ZBTB4: variants seen among roughly 807,000 people sequenced by gnomAD.
ZBTB4 encodes the protein zinc finger and BTB domain containing 4.
A neutral mutation model predicts 59.8 loss-of-function variants in ZBTB4; 14 were observed. The ratio of observed to expected loss-of-function variants is 0.23; its 90% confidence interval spans 0.15 to 0.37. ZBTB4 has a LOEUF of 0.37. Among genes scored for constraint, ZBTB4 ranks in the 10% least tolerant of loss-of-function variants. The pLI, the probability that ZBTB4 is intolerant of heterozygous loss-of-function variation, is 1.00. For missense variants in ZBTB4, 1,198 were observed against 1,380.8 expected (o/e 0.87, Z 2.10); for synonymous variants, 587 against 575.2 (o/e 1.02, Z -0.29).
At position 7,462,713 on chromosome 17, in the gene ZBTB4, C is replaced by G. The variant is rs557112177; in HGVS notation, c.2269G>C (p.Ala757Pro). The G allele has an allele frequency of 6.2e-7, 1 of 1,604,330 alleles. No individual in the cohort carries two copies. The highest frequency in any genetic ancestry group is 1.1e-5 in the South Asian group (1 of 91,074). The change falls in exon 4 of 4, where the codon GCC becomes CCC. Residue 757 changes from alanine (A) to proline (P), a missense_variant. Around this residue, in one of 9 missense-constraint regions of ZBTB4, gnomAD observed 550 missense variants for 541.8 expected, o/e 1.02. Coordinates refer to ENST00000380599, the MANE Select transcript of ZBTB4 (RefSeq NM_001128833.2). This position sits in a 1 kb window ranked among gnomAD's most constrained non-coding sequence, Gnocchi z 7.5. ...AAGCGGGTGGAGGGCCTCCGTCCGG[C>G]CCGGGAGCTGTGGGAGCCCCCACCG... The part of the protein sequence containing the change: ...AHGGGSHSSR[A>P]GRRPSTRFTC...
chr17:7,462,914 G>C lies in ZBTB4; in HGVS notation c.2068C>G (p.Pro690Ala), dbSNP rs374825213. ...GGASVGGSGL[P>A]RGRRPPRWRQ... The stretch of plus-strand genomic sequence containing the variant: ...CAACGTGGTGGCCGGCGGCCTCGGG[G>C]CAGCCCACTGCCCCCCACACTGGCA... The change falls in exon 4 of 4, where the codon CCC (proline) becomes GCC (alanine). Residue 690 changes from proline to alanine, a missense_variant. Pro to Ala is a conservative substitution (Grantham distance 27). Around this residue, in one of 9 missense-constraint regions of ZBTB4, gnomAD observed 550 missense variants for 541.8 expected, o/e 1.02. Coordinates refer to ENST00000380599, the MANE Select transcript of ZBTB4 (RefSeq NM_001128833.2). This position sits in a 1 kb window ranked among gnomAD's most constrained non-coding sequence, Gnocchi z 7.5. 5 of 1,609,052 alleles carry C rather than the reference G, an allele frequency of 3.1e-6. No individual in the cohort carries two copies. The African/African-American group carries it at 6.7e-5, about 21-fold the overall frequency.
In ZBTB4 at chr17:7,459,542, C is replaced by T. The variant is rs1210195642; in HGVS notation, c.*2398G>A. On this transcript the variant is annotated 3_prime_UTR_variant, in exon 4 of 4. Transcript: ENST00000380599. Reference sequence around the variant, plus strand: ...CGGCACAGAACCAGTGGCCTTCTCACTCTGCCACCACCCGTCTTCCCAGGG... The same window carrying T: ...CGGCACAGAACCAGTGGCCTTCTCATTCTGCCACCACCCGTCTTCCCAGGG... The T allele has an allele frequency of 6.6e-6, 1 of 152,332 alleles. No homozygotes were observed. Among genetic ancestry groups the T allele is most frequent in the Non-Finnish European group, 1.5e-5 (1 of 68,036 alleles). 9.4% of individuals were successfully genotyped at this position (152,332 alleles called of 1,614,324 possible).
upstream of ZBTB4, among the ~76,000 whole-genome samples, chr17:7,481,165 A>C (rs867716942): frequency 7.4e-4 from 110 of 148,546 alleles, no homozygotes; most frequent in South Asian, 3.0e-3. Flanking sequence ...CTCCGTCCCA[A>C]AAAAAAAAAA....
At position 7,461,644 on chromosome 17, in the gene ZBTB4, T is replaced by G. The variant is rs1597759438; in HGVS notation, c.*296A>C. 3.3e-6 allele frequency: 1 copy of G among 303,790 alleles called. No homozygotes were observed. The highest frequency in any genetic ancestry group is 6.1e-6 in the Non-Finnish European group (1 of 164,170). The allele number at this position is 303,790 out of a possible 1,614,324, so 18.8% of individuals were successfully genotyped here. ...TGGGGGCTGTGAGTAGAGATTCAGG[T>G]TAAGTATATTGCTCAGTTGCCCCAA... On this transcript the variant is annotated 3_prime_UTR_variant, in exon 4 of 4. Coordinates refer to ENST00000380599, the MANE Select transcript of ZBTB4 (RefSeq NM_001128833.2).
At chr17:7,482,928 T>C (rs777237673), upstream of ZBTB4, 17 of 1,611,862 alleles carry the variant, frequency 1.1e-5, no homozygotes, top group South Asian at 6.6e-5. Flanking sequence ...GGGGCAGGGG[T>C]TGTGCTGGGC....
upstream of ZBTB4, chr17:7,482,574 T>A: frequency 6.2e-7 from 1 of 1,612,374 alleles, no homozygotes; most frequent in Non-Finnish European, 8.5e-7. Flanking sequence ...GGGCAGGCTT[T>A]CGTGGGAGGA....
chr17:7,470,869 A>G (rs1429052623), intron 1 of ZBTB4, among the ~76,000 whole-genome samples: 1 of 152,140 alleles, frequency 6.6e-6, no homozygotes, highest in Non-Finnish European at 1.5e-5. Context: ...TATGGCACCC[A>G]CTAGGGCACA....
chr17:7,461,935 AG>A lies in ZBTB4; in HGVS notation c.*4del. 6.5e-7 allele frequency: 1 copy of A among 1,527,782 alleles called. No individual in the cohort carries two copies. The highest frequency in any genetic ancestry group is 8.8e-7 in the Non-Finnish European group (1 of 1,136,212). 94.6% of individuals were successfully genotyped at this position (1,527,782 alleles called of 1,614,324 possible). A position where few individuals can be genotyped will look rare whatever the true frequency, so the allele number is the denominator to read the frequency against. ...TCTGGTGAAAGGGGGATTGAGCCCC[AG>A]GGTTCACCCCACATCGCCCTTCTGG... On this transcript the variant is annotated 3_prime_UTR_variant, in exon 4 of 4. Transcript: ENST00000380599.
Position 7,462,367 on chromosome 17 carries a change from A to T in ZBTB4, c.2615T>A (p.Val872Glu). ...AATCAAGGCCAGTGGAAATTCCTGC[A>T]CAGGTGGGTATACATAGCTGCCCCC... ...ASGGSYVYPP[V>E]QEFPLALIGG... Residue 872 changes from valine (V) to glutamate (E), a missense_variant, in exon 4 of 4, where the codon GTG becomes GAG. Coordinates refer to ENST00000380599, the MANE Select transcript of ZBTB4 (RefSeq NM_001128833.2). The surrounding 1 kb of genome is among the most constrained non-coding windows in gnomAD (Gnocchi z 7.5). 6.2e-7 allele frequency: 1 copy of T among 1,613,778 alleles called. No individual in the cohort carries two copies. Among genetic ancestry groups the T allele is most frequent in the Non-Finnish European group, 8.5e-7 (1 of 1,179,938 alleles).
At chr17:7,467,392 G>C in intron 1 of ZBTB4, 65 bp from the exon 2 acceptor site, 1 of 425,508 alleles carries the variant, frequency 2.4e-6, no homozygotes, top group Non-Finnish European at 3.1e-6. Flanking sequence ...TCCTCAAGGA[G>C]GGAAGTGAGA....
intron 1 of ZBTB4, among the ~76,000 whole-genome samples, chr17:7,473,110 ATTTTT>A (rs71157291): frequency 1.5e-5 from 1 of 64,892 alleles, no homozygotes; most frequent in Admixed American, 2.0e-4. Flanking sequence ...GCGCGCCACC[ATTTTT>A]TTTTTTTTTT....
chr17:7,483,397 C>G (rs2150871453), upstream of ZBTB4: 2 of 286,460 alleles, frequency 7.0e-6, no homozygotes, highest in African/African-American at 2.2e-5. Context: ...TGCCTCCCCA[C>G]CCCTCCCCTC....
At chr17:7,472,099 T>C (rs370977254) in intron 1 of ZBTB4, among the ~76,000 whole-genome samples, 4 of 152,126 alleles carry the variant, frequency 2.6e-5, no homozygotes, top group East Asian at 3.8e-4. Context: ...AGAAGCCACC[T>C]TCCCCTGAGG....
chr17:7,472,916 T>C (rs1428855030), intron 1 of ZBTB4, among the ~76,000 whole-genome samples: 1 of 151,712 alleles, frequency 6.6e-6, no homozygotes, highest in Non-Finnish European at 1.5e-5. Flanking sequence ...AGTGCTGGGA[T>C]GACATGCATG....
At position 7,460,229 on chromosome 17, in the gene ZBTB4, A is replaced by G. The variant is rs1203341982; in HGVS notation, c.*1711T>C. On this transcript the variant is annotated 3_prime_UTR_variant, in exon 4 of 4. Coordinates refer to ENST00000380599, the MANE Select transcript of ZBTB4 (RefSeq NM_001128833.2). ...CTGTGGCCAAGACCAAGAAAAGTGC[A>G]AAGAGACAGAGGAGGAATGAAGGAG... is the stretch of plus-strand genomic sequence containing the variant. 1.3e-5 allele frequency: 2 copies of G among 152,630 alleles called. No homozygotes were observed. The highest frequency in any genetic ancestry group is 2.9e-5 in the Non-Finnish European group (2 of 68,042). 9.5% of individuals were successfully genotyped at this position (152,630 alleles called of 1,614,324 possible).
At chr17:7,473,340 C>T (rs1251218659) in intron 1 of ZBTB4, among the ~76,000 whole-genome samples, 1 of 151,960 alleles carries the variant, frequency 6.6e-6, no homozygotes, top group African/African-American at 2.4e-5. Context: ...TGGTCTCCAT[C>T]TCCTGACCTT....
chr17:7,467,285 CG>C lies in ZBTB4; in HGVS notation c.-39del, dbSNP rs1478188920. On this transcript the variant is annotated 5_prime_UTR_variant, in exon 2 of 4. Coordinates refer to ENST00000380599, the MANE Select transcript of ZBTB4 (RefSeq NM_001128833.2). ...AGAGCACAGCCAACATGGAGTGGGG[CG>C]GGGGGTGGCTCAGCGAGTCCCTTCT... 26 of 984,372 alleles carry C rather than the reference CG, an allele frequency of 2.6e-5. No individual in the cohort carries two copies. The highest frequency in any genetic ancestry group is 6.1e-5 in the Admixed American group (1 of 16,364). 61.0% of individuals were successfully genotyped at this position (984,372 alleles called of 1,614,324 possible).
upstream of ZBTB4, chr17:7,482,436 G>A (rs760798928): frequency 3.7e-6 from 6 of 1,614,054 alleles, 1 homozygote; most frequent in South Asian, 5.5e-5. Flanking sequence ...TGCCTTGAGA[G>A]CCAGGGTCTC....
Position 7,463,645 on chromosome 17 carries a change from G to A in ZBTB4, c.1337C>T (p.Pro446Leu), listed in dbSNP as rs762883050. 22 of 1,612,070 alleles carry A rather than the reference G, an allele frequency of 1.4e-5. No individual in the cohort carries two copies. Among genetic ancestry groups the A allele is most frequent in the South Asian group, 4.4e-5 (4 of 91,014 alleles). ...GCTGGCTGGCATTGCCACAGGGGCC[G>A]GTGTGTTGAGGGTTGGAGAAAGGGG... ...EAPLSPTLNTPAPVAMPASPP... is the reference protein window; with the variant it reads ...EAPLSPTLNTLAPVAMPASPP... Residue 446 changes from proline (P) to leucine (L), a missense_variant, in exon 4 of 4, where the codon CCG becomes CTG. Around this residue, in one of 9 missense-constraint regions of ZBTB4, gnomAD observed 550 missense variants for 541.8 expected, o/e 1.02. Coordinates refer to ENST00000380599, the MANE Select transcript of ZBTB4 (RefSeq NM_001128833.2).
Sources: gnomAD v4.1 joint callset for allele counts (sites outside exome capture counted in the v4.1 genomes callset) on GRCh38, gnomAD v4.1.1 for gene constraint, gnomAD v4.1.1 regional missense constraint, Gnocchi (gnomAD v3.1) non-coding constraint, MANE v1.5 for transcripts, NCBI Gene and HGNC (gene_info 2026-07-23, HGNC 2026-07-21) for gene names.